The following NUDT3 variants were observed in gnomAD, a reference collection of about 807,000 sequenced individuals.
NUDT3 encodes nudix hydrolase 3.
A neutral mutation model predicts 23.6 loss-of-function variants in NUDT3; 9 were observed. The ratio of observed to expected loss-of-function variants is 0.38; its 90% CI spans 0.23 to 0.66. NUDT3 has a LOEUF of 0.66. NUDT3 is among the 30% of genes least tolerant of loss of function. The probability of loss-of-function intolerance (pLI) is 0.52; values close to 1 mark genes in which losing one functional copy is unlikely to be tolerated. For missense variants in NUDT3, 172 were observed against 218.5 expected (o/e 0.79, Z 1.34); for synonymous variants, 86 against 82.6 (o/e 1.04, Z -0.22).
chr6:34,365,780 G>A (rs141936328), intron 1 of NUDT3, among the ~76,000 whole-genome samples: 10 of 151,988 alleles, frequency 6.6e-5, no homozygotes, highest in Admixed American at 1.3e-4. Context: ...CGGGGCTCAC[G>A]CCTGTATTCC....
intron 2 of NUDT3, among the ~76,000 whole-genome samples, chr6:34,317,059 G>T (rs550973996): frequency 6.6e-6 from 1 of 152,240 alleles, no homozygotes; most frequent in South Asian, 2.1e-4. Context: ...AACAGGATTT[G>T]CTGATGAACT....
chr6:34,318,570 T>C (rs531989011), intron 2 of NUDT3, among the ~76,000 whole-genome samples: 1 of 152,196 alleles, frequency 6.6e-6, no homozygotes, highest in South Asian at 2.1e-4. Context: ...ATATAAAGAT[T>C]TCCTATATTA....
intron 4 of NUDT3, among the ~76,000 whole-genome samples, chr6:34,289,915 G>T (rs1206766965): frequency 6.6e-6 from 1 of 152,004 alleles, no homozygotes; most frequent in Non-Finnish European, 1.5e-5. Flanking sequence ...ACCAAAATTG[G>T]ATCATGCTTT....
intron 2 of NUDT3, among the ~76,000 whole-genome samples, chr6:34,295,936 G>C (rs1489714607): frequency 6.6e-6 from 1 of 152,110 alleles, no homozygotes; most frequent in Admixed American, 6.5e-5. Flanking sequence ...TGCAAAGCTA[G>C]CCAAGCAGAG....
intron 1 of NUDT3, among the ~76,000 whole-genome samples, chr6:34,349,941 T>C (rs1764441393): frequency 6.7e-6 from 1 of 149,966 alleles, no homozygotes; most frequent in African/African-American, 2.5e-5. Flanking sequence ...ACACAAAAAA[T>C]GAGCCAGGCG....
chr6:34,305,672 GCAT>G (rs1384771091), intron 2 of NUDT3, among the ~76,000 whole-genome samples: 2 of 152,062 alleles, frequency 1.3e-5, no homozygotes. Flanking sequence ...AAGCATCTAA[GCAT>G]CAAAGAACTG....
At chr6:34,372,599 G>A (rs147225596) in intron 1 of NUDT3, among the ~76,000 whole-genome samples, 465 of 152,020 alleles carry the variant, frequency 3.1e-3, no homozygotes, top group Non-Finnish European at 4.5e-3. Context: ...GAGGTCACGA[G>A]TTCGAGACTA....
At chr6:34,314,040 T>A (rs1222765753) in intron 2 of NUDT3, among the ~76,000 whole-genome samples, 1 of 151,294 alleles carries the variant, frequency 6.6e-6, no homozygotes, top group Non-Finnish European at 1.5e-5. Flanking sequence ...GAGGATGTGG[T>A]GAGCCAAGAT....
intron 2 of NUDT3, among the ~76,000 whole-genome samples, chr6:34,312,274 C>T (rs1321890683): frequency 6.6e-6 from 1 of 151,774 alleles, no homozygotes; most frequent in Non-Finnish European, 1.5e-5. Context: ...TGGTGGTGCG[C>T]GCCTATAATT....
intron 2 of NUDT3, among the ~76,000 whole-genome samples, chr6:34,330,332 G>T (rs1291192059): frequency 6.6e-6 from 1 of 152,098 alleles, no homozygotes; most frequent in Admixed American, 6.5e-5. Flanking sequence ...ACTTTTTGAT[G>T]ATCGCCATTC....
chr6:34,369,208 T>C (rs559564213), intron 1 of NUDT3, among the ~76,000 whole-genome samples: 73 of 152,324 alleles, frequency 4.8e-4, no homozygotes, highest in African/African-American at 1.4e-3. Context: ...ATTCAACTCA[T>C]CAAAATGACT....
chr6:34,372,967 TAGAG>T (rs948007593), intron 1 of NUDT3, among the ~76,000 whole-genome samples: 26 of 148,864 alleles, frequency 1.7e-4, no homozygotes, highest in Admixed American at 2.7e-4. Context: ...TATATATACA[TAGAG>T]AGAGAGAGAG....
intron 1 of NUDT3, among the ~76,000 whole-genome samples, chr6:34,351,401 C>T (rs943067002): frequency 4.1e-4 from 59 of 143,478 alleles, no homozygotes; most frequent in African/African-American, 1.5e-3. Flanking sequence ...TGATTGTGCA[C>T]TGCACTCCAT....
intron 1 of NUDT3, among the ~76,000 whole-genome samples, chr6:34,357,448 C>T (rs1488185176): frequency 1.3e-5 from 2 of 151,770 alleles, no homozygotes; most frequent in African/African-American, 4.8e-5. Context: ...CCTTATCTTT[C>T]TAAAAACTAA....
chr6:34,383,620 C>T (rs1172695139), intron 1 of NUDT3, among the ~76,000 whole-genome samples: 1 of 152,178 alleles, frequency 6.6e-6, no homozygotes, highest in Non-Finnish European at 1.5e-5. Flanking sequence ...TGAACAAGGG[C>T]CCTTCCTTTC....
intron 1 of NUDT3, among the ~76,000 whole-genome samples, chr6:34,367,878 C>T (rs939440598): frequency 2.6e-5 from 4 of 152,160 alleles, no homozygotes; most frequent in African/African-American, 9.7e-5. Flanking sequence ...GTGGGGAAAG[C>T]TCAGGACTGC....
chr6:34,362,122 A>G (rs1479820473), intron 1 of NUDT3, among the ~76,000 whole-genome samples: 1 of 152,314 alleles, frequency 6.6e-6, no homozygotes, highest in East Asian at 1.9e-4. Flanking sequence ...TTTACACTCA[A>G]TTTTGCTATG....
At chr6:34,389,228 C>T (rs1481893718) in intron 1 of NUDT3, among the ~76,000 whole-genome samples, 1 of 152,130 alleles carries the variant, frequency 6.6e-6, no homozygotes, top group Non-Finnish European at 1.5e-5. Flanking sequence ...GGGAGTTTCC[C>T]CCATGCGGTT....
chr6:34,356,174 T>C (rs968021385), intron 1 of NUDT3, among the ~76,000 whole-genome samples: 48 of 152,274 alleles, frequency 3.2e-4, no homozygotes, highest in Admixed American at 5.9e-4. Context: ...CCTGAGGTAA[T>C]AGGTACCCCA....
Sources: allele counts gnomAD v4.1 joint callset (sites outside exome capture counted in the v4.1 genomes callset), GRCh38; gene constraint gnomAD v4.1.1; transcripts MANE v1.5; gene names NCBI Gene and HGNC (gene_info 2026-07-23, HGNC 2026-07-21).